Variants in RNF13 observed in about 807,000 individuals in gnomAD.
RNF13 encodes the protein ring finger protein 13.
RNF13 carries 19 observed loss-of-function variants against 37.7 expected under a neutral mutation model. The ratio of observed to expected loss-of-function variants is 0.50; its 90% CI spans 0.35 to 0.74. The LOEUF (loss-of-function observed/expected upper bound fraction) is 0.74, where lower values mean the gene tolerates loss of function less well. Among genes scored for constraint, RNF13 ranks in the 30% least tolerant of loss-of-function variants. The pLI, the probability that RNF13 is intolerant of heterozygous loss-of-function variation, is 0.01. For missense variants in RNF13, 375 were observed against 453.0 expected (o/e 0.83, Z 1.56); for synonymous variants, 144 against 157.8 (o/e 0.91, Z 0.65).
At chr3:149,885,138 A>G (rs1218602838) in intron 4 of RNF13, among the ~76,000 whole-genome samples, 1 of 152,094 alleles carries the variant, frequency 6.6e-6, no homozygotes, top group Non-Finnish European at 1.5e-5. Flanking sequence ...GTGGATGGAC[A>G]CTTAGGTTGT....
chr3:149,920,196 A>T (rs918433236), intron 7 of RNF13, among the ~76,000 whole-genome samples: 2 of 152,066 alleles, frequency 1.3e-5, no homozygotes, highest in Non-Finnish European at 2.9e-5. Context: ...TCTGTGGCTC[A>T]TCTGTATTTT....
intron 1 of RNF13, among the ~76,000 whole-genome samples, chr3:149,834,145 T>C (rs1258339248): frequency 2.0e-5 from 3 of 152,256 alleles, no homozygotes; most frequent in Non-Finnish European, 4.4e-5. Context: ...TCCATGTTTA[T>C]GGATTGATAG....
chr3:149,910,090 G>T (rs1716832658), intron 6 of RNF13, among the ~76,000 whole-genome samples: 1 of 152,150 alleles, frequency 6.6e-6, no homozygotes, highest in Non-Finnish European at 1.5e-5. Context: ...TAGTGGCTGT[G>T]GGGTAGGGAG....
At chr3:149,842,880 A>G (rs902643648) in intron 1 of RNF13, among the ~76,000 whole-genome samples, 4 of 152,240 alleles carry the variant, frequency 2.6e-5, no homozygotes, top group African/African-American at 9.6e-5. Flanking sequence ...TATTTCATGG[A>G]CAGCTATCTG....
At chr3:149,916,724 C>T (rs1053636540) in intron 7 of RNF13, among the ~76,000 whole-genome samples, 1 of 151,910 alleles carries the variant, frequency 6.6e-6, no homozygotes, top group Non-Finnish European at 1.5e-5. Context: ...CTTGGAAAAC[C>T]AGGAGTACAA....
chr3:149,879,670 CATA>C (rs1485254172), intron 4 of RNF13, among the ~76,000 whole-genome samples: 2 of 152,238 alleles, frequency 1.3e-5, no homozygotes, highest in East Asian at 3.9e-4. Flanking sequence ...AGCTGATCTT[CATA>C]ATGAGAAAGC....
chr3:149,900,550 A>G (rs1715722408), intron 5 of RNF13, among the ~76,000 whole-genome samples: 3 of 152,130 alleles, frequency 2.0e-5, no homozygotes, highest in Admixed American at 6.6e-5. Context: ...TAGCCACTGC[A>G]CTGCATCCTG....
In RNF13 at chr3:149,961,047, C is replaced by A; in HGVS notation, c.1089C>A (p.Val363=). The change falls in exon 10 of 10, where the codon GTC becomes GTA. Residue 363 remains valine (V), a synonymous_variant. Coordinates refer to ENST00000392894, the MANE Select transcript of RNF13 (RefSeq NM_183381.3). The part of the protein sequence containing the change: ...DAENEINEHD[V]VVQLQPNGER... ...AAAATGAAATTAATGAACATGATGT[C>A]GTGGTCCAGTTGCAGCCTAATGGTG... 6.2e-7 allele frequency: 1 copy of A among 1,613,844 alleles called. No homozygotes were observed. The highest frequency in any genetic ancestry group is 8.5e-7 in the Non-Finnish European group (1 of 1,179,794).
intron 1 of RNF13, among the ~76,000 whole-genome samples, chr3:149,836,258 C>T (rs1302761816): frequency 6.6e-6 from 1 of 151,906 alleles, no homozygotes; most frequent in East Asian, 1.9e-4. Context: ...TGGCAAAAAA[C>T]CAAGCAACCC....
intron 7 of RNF13, among the ~76,000 whole-genome samples, chr3:149,918,322 T>C (rs563398197): frequency 6.6e-6 from 1 of 152,300 alleles, no homozygotes; most frequent in African/African-American, 2.4e-5. Flanking sequence ...AGCACAGGTC[T>C]ATAGTCTTCT....
Position 149,960,733 on chromosome 3 carries a change from T to G in RNF13, c.782-7T>G. On this transcript the variant is annotated splice_region_variant and splice_polypyrimidine_tract_variant and intron_variant, in intron 9 of 9. Coordinates refer to ENST00000392894, the MANE Select transcript of RNF13 (RefSeq NM_183381.3). ...ACTAACTAAAGATGTATATTTTGCT[T>G]CAACAGCTTATCACTGCAAGTGTGT... The G allele has an allele frequency of 6.3e-7, 1 of 1,591,140 alleles. No homozygotes were observed. Among genetic ancestry groups the G allele is most frequent in the Non-Finnish European group, 8.5e-7 (1 of 1,171,892 alleles).
At chr3:149,893,232 C>G (rs550366101) in intron 4 of RNF13, among the ~76,000 whole-genome samples, 2 of 152,194 alleles carry the variant, frequency 1.3e-5, no homozygotes. Context: ...GACCACTTTT[C>G]TCTGTGTTCT....
intron 8 of RNF13, among the ~76,000 whole-genome samples, chr3:149,929,794 C>G (rs951625015): frequency 1.3e-5 from 2 of 152,162 alleles, no homozygotes; most frequent in African/African-American, 4.8e-5. Context: ...ACTGTCCTTT[C>G]TCCCTTGAAT....
intron 8 of RNF13, among the ~76,000 whole-genome samples, chr3:149,959,652 T>C (rs1242579359): frequency 1.3e-5 from 2 of 152,094 alleles, no homozygotes; most frequent in African/African-American, 4.8e-5. Flanking sequence ...AATTCTGTTT[T>C]TATTTGCTAA....
intron 8 of RNF13, among the ~76,000 whole-genome samples, chr3:149,950,255 A>C (rs1721187811): frequency 6.8e-6 from 1 of 147,186 alleles, no homozygotes; most frequent in South Asian, 2.3e-4. Context: ...TCCTGATCCG[A>C]TAATTCCAAC....
intron 1 of RNF13, among the ~76,000 whole-genome samples, chr3:149,827,733 A>G (rs1039648457): frequency 1.3e-5 from 2 of 152,224 alleles, no homozygotes; most frequent in Non-Finnish European, 2.9e-5. Context: ...ATAGGTGCAT[A>G]GGCAGGCTGC....
intron 1 of RNF13, among the ~76,000 whole-genome samples, chr3:149,845,167 A>G (rs943386408): frequency 1.3e-5 from 2 of 152,188 alleles, no homozygotes; most frequent in Non-Finnish European, 2.9e-5. Flanking sequence ...GGCAGCTTCT[A>G]TATCTAGAGC....
intron 8 of RNF13, chr3:149,939,227 A>T (rs1720007028): frequency 2.0e-6 from 1 of 509,830 alleles, no homozygotes; most frequent in African/African-American, 2.0e-5. Flanking sequence ...TTTTGGCTGG[A>T]GTATCTCGTA....
rs1358000333 is a variant in RNF13 at position 149,962,030 on chromosome 3, T to C, written c.*926T>C. 1 of 152,640 alleles carries C rather than the reference T, an allele frequency of 6.6e-6. No homozygotes were observed. Among genetic ancestry groups the C allele is most frequent in the Non-Finnish European group, 1.5e-5 (1 of 68,024 alleles). The allele number at this position is 152,640 out of a possible 1,614,324, so 9.5% of individuals were successfully genotyped here. A position where few individuals can be genotyped will look rare whatever the true frequency, so the allele number is the denominator to read the frequency against. Reference sequence around the variant, plus strand: ...TAAATTATACATCATTGTAACTATGTAGAAAGTGTAGACTAATGTATAATC... The same window carrying C: ...TAAATTATACATCATTGTAACTATGCAGAAAGTGTAGACTAATGTATAATC... On this transcript the variant is annotated 3_prime_UTR_variant, in exon 10 of 10. Coordinates refer to ENST00000392894, the MANE Select transcript of RNF13 (RefSeq NM_183381.3).
Sources: allele counts gnomAD v4.1 joint callset (sites outside exome capture counted in the v4.1 genomes callset), GRCh38; gene constraint gnomAD v4.1.1; transcripts MANE v1.5; gene names NCBI Gene and HGNC (gene_info 2026-07-23, HGNC 2026-07-21).